Variants in MMP12 observed in about 807,000 individuals in gnomAD.
MMP12 encodes macrophage metalloelastase.
MMP12 carries 51 observed loss-of-function variants against 45.2 expected under a neutral mutation model. The observed-to-expected ratio is 1.13, with a 90% CI of 0.90 to 1.42. MMP12 has a LOEUF of 1.42. MMP12 is among the 40% of genes most tolerant of loss of function. MMP12 has a pLI of 0.00. For missense variants in MMP12, 530 were observed against 570.8 expected (o/e 0.93, Z 0.73); for synonymous variants, 210 against 193.3 (o/e 1.09, Z -0.72).
intron 9 of MMP12, 36 bp from the exon 10 acceptor site, chr11:102,863,236 TC>T: frequency 8.9e-7 from 1 of 1,121,326 alleles, no homozygotes; most frequent in Admixed American, 1.9e-5. Context: ...TTTAATTCCC[TC>T]CCTGTATTTC....
rs1316532482 is a variant in MMP12, at chr11:102,863,006, T to A, written c.*94A>T. On this transcript the variant is annotated 3_prime_UTR_variant, in exon 10 of 10. Coordinates refer to ENST00000571244, the MANE Select transcript of MMP12 (RefSeq NM_002426.6). ...ACAGATTTTATTTTTATGATACATA[T>A]CTCTAAGTAGTGGTACACTGAGGAC... is the stretch of plus-strand genomic sequence containing the variant. The A allele has an allele frequency of 3.0e-6, 2 of 676,742 alleles. No homozygotes were observed. The highest frequency in any genetic ancestry group is 3.7e-5 in the African/African-American group (2 of 54,100). 41.9% of individuals were successfully genotyped at this position (676,742 alleles called of 1,614,324 possible).
chr11:102,874,322 G>C (rs1414394763), intron 1 of MMP12, among the ~76,000 whole-genome samples: 2 of 152,110 alleles, frequency 1.3e-5, no homozygotes, highest in African/African-American at 2.4e-5. Flanking sequence ...TGAGGCGGGG[G>C]ATTGCTTGAG....
intron 4 of MMP12, among the ~76,000 whole-genome samples, chr11:102,869,709 G>A (rs1341478525): frequency 1.3e-5 from 2 of 151,044 alleles, no homozygotes; most frequent in African/African-American, 4.9e-5. Flanking sequence ...TCAGGAGTTC[G>A]AGAGCAGCCT....
chr11:102,864,141 C>T lies in MMP12; in HGVS notation c.1312+5G>A, dbSNP rs199754005. The T allele has an allele frequency of 5.3e-5, 84 of 1,577,336 alleles. No homozygotes were observed. The highest frequency in any genetic ancestry group is 6.9e-5 in the Non-Finnish European group (79 of 1,146,848). On this transcript the variant is annotated splice_donor_5th_base_variant and intron_variant, in intron 9 of 9. Transcript: ENST00000571244. ...AGTATCTTCATGGTTTCCTCATCTA[C>T]TTACTGTTTTTAGAGTAGAAGACTG...
Position 102,871,785 on chromosome 11 carries a change from T to C in MMP12, c.499+19A>G, listed in dbSNP as rs28360367. 5.3e-3 allele frequency: 8,489 copies of C among 1,613,000 alleles called. 195 individuals carry two copies. In the East Asian group the frequency reaches 0.078, roughly 15 times the overall value. ...TATAGATCATGCCAAATGACAAAGATGAAATACAAGTTCCCTACCTCCACG... is the reference window on the plus strand; with the variant it reads ...TATAGATCATGCCAAATGACAAAGACGAAATACAAGTTCCCTACCTCCACG... On this transcript the variant is annotated intron_variant, in intron 3 of 9. Coordinates refer to ENST00000571244, the MANE Select transcript of MMP12 (RefSeq NM_002426.6).
intron 4 of MMP12, 95 bp from the exon 5 acceptor site, chr11:102,868,164 A>G (rs1565233573): frequency 3.6e-6 from 4 of 1,116,770 alleles, no homozygotes; most frequent in East Asian, 5.2e-5. Flanking sequence ...AGATTTGAGA[A>G]TCTTTTACTT....
chr11:102,872,793 C>G lies in MMP12; in HGVS notation c.350+72G>C, dbSNP rs1463352652. The stretch of plus-strand genomic sequence containing the variant: ...TATCTACTTCCAGATTTAGGGCTGT[C>G]TAACTGGTTCAGGTTAGAAGTCAGA... On this transcript the variant is annotated intron_variant, in intron 2 of 9. Coordinates refer to ENST00000571244, the MANE Select transcript of MMP12 (RefSeq NM_002426.6). The G allele has an allele frequency of 2.0e-6, 3 of 1,537,206 alleles. No individual in the cohort carries two copies. In the Admixed American group the frequency reaches 5.8e-5, roughly 30 times the overall value.
At chr11:102,871,066 A>G (rs1261789583) in intron 4 of MMP12, among the ~76,000 whole-genome samples, 2 of 152,108 alleles carry the variant, frequency 1.3e-5, no homozygotes, top group Non-Finnish European at 2.9e-5. Flanking sequence ...TCCTGTCCCT[A>G]TAAAAAATTA....
At chr11:102,863,886 C>A (rs1555008147) in intron 9 of MMP12, among the ~76,000 whole-genome samples, 2 of 152,160 alleles carry the variant, frequency 1.3e-5, no homozygotes, top group Non-Finnish European at 2.9e-5. Flanking sequence ...TCCAGAGACT[C>A]AGGTACATGA....
At chr11:102,872,838 A>C in intron 2 of MMP12, 27 bp downstream of exon 2, 6 of 1,609,738 alleles carry the variant, frequency 3.7e-6, no homozygotes, top group Non-Finnish European at 5.1e-6. Flanking sequence ...AAGTAGAAAA[A>C]TACAGGGCGA....
At chr11:102,866,177 T>C in intron 7 of MMP12, 138 bp downstream of exon 7, 1 of 988,612 alleles carries the variant, frequency 1.0e-6, no homozygotes, top group Non-Finnish European at 1.4e-6. Flanking sequence ...CTATTTTAGT[T>C]TACACTTCAG....
chr11:102,864,053 C>G, intron 9 of MMP12, 93 bp downstream of exon 9: 5 of 987,922 alleles, frequency 5.1e-6, no homozygotes, highest in Middle Eastern at 2.4e-4. Flanking sequence ...AAACCTGTCC[C>G]TTTCCAATTT....
In MMP12 at chr11:102,866,005, A is replaced by G. The variant is rs537255348; in HGVS notation, c.1046-70T>C. ...AGTAATAAGAAAATATTGATTTACT[A>G]TAAACAACATAATTCCTTTCCAACA... On this transcript the variant is annotated intron_variant, in intron 7 of 9. Coordinates refer to ENST00000571244, the MANE Select transcript of MMP12 (RefSeq NM_002426.6). The G allele has an allele frequency of 1.7e-4, 201 of 1,183,334 alleles. 1 individual carries two copies. In the African/African-American group the frequency reaches 2.2e-3, roughly 13 times the overall value. The allele number at this position is 1,183,334 out of a possible 1,614,324, so 73.3% of individuals were successfully genotyped here. A position where few individuals can be genotyped will look rare whatever the true frequency, so the allele number is the denominator to read the frequency against.
At chr11:102,870,788 C>T (rs1859478949) in intron 4 of MMP12, among the ~76,000 whole-genome samples, 1 of 152,220 alleles carries the variant, frequency 6.6e-6, no homozygotes, top group African/African-American at 2.4e-5. Context: ...AAGTACATGG[C>T]TGTATAATCT....
chr11:102,868,186 C>T (rs782576771), intron 4 of MMP12, 117 bp from the exon 5 acceptor site: 378 of 951,336 alleles, frequency 4.0e-4, no homozygotes, highest in Non-Finnish European at 5.3e-4. Flanking sequence ...TTTCTTTACC[C>T]TTTTGAGTTG....
In MMP12 at chr11:102,871,921, C is replaced by A. The variant is rs782140300; in HGVS notation, c.382G>T (p.Glu128Ter). ...TTCCGGATTGCGTAGTCAACATCCT[C>A]ACGGTTCATGTCAGGTGTGTAATTA... The part of the protein sequence containing the change: ...INNYTPDMNR[E>*]DVDYAIRKAF... Residue 128 changes from glutamate (E) to a stop codon, truncating the protein, a stop_gained, in exon 3 of 10, where the codon GAG becomes TAG. Coordinates refer to ENST00000571244, the MANE Select transcript of MMP12 (RefSeq NM_002426.6). LOFTEE classifies it high-confidence loss of function. 6.2e-7 allele frequency: 1 copy of A among 1,613,228 alleles called. No homozygotes were observed. The highest frequency in any genetic ancestry group is 1.1e-5 in the South Asian group (1 of 90,854).
At chr11:102,872,497 C>A (rs4323842) in intron 2 of MMP12, among the ~76,000 whole-genome samples, 1 of 152,068 alleles carries the variant, frequency 6.6e-6, no homozygotes, top group Non-Finnish European at 1.5e-5. Flanking sequence ...CGCGCCACCA[C>A]GCCCAGCTAA....
In MMP12 at chr11:102,865,556, T is replaced by TA. The variant is rs28381687; in HGVS notation, c.1205+219dup. On this transcript the variant is annotated intron_variant, in intron 8 of 9. Transcript: ENST00000571244. This position sits in a 1 kb window ranked among gnomAD's most constrained non-coding sequence, Gnocchi z 4.1. ...TGACATTTTATTTAGAGTGTTTTTT[T>TA]AAAAAAAAACACACATTATCTACTA... Among the ~76,000 whole-genome samples, 1,974 of 151,444 alleles carry TA rather than the reference T, an allele frequency of 0.013. 39 individuals are homozygous for TA. The highest frequency in any genetic ancestry group is 0.045 in the African/African-American group (1,853 of 41,276).
At position 102,868,207 on chromosome 11, in the gene MMP12, T is replaced by C. The variant is rs1187439408; in HGVS notation, c.626-138A>G. 8 of 729,880 alleles carry C rather than the reference T, an allele frequency of 1.1e-5. No homozygotes were observed. The African/African-American group carries it at 1.4e-4, about 13-fold the overall frequency. 45.2% of individuals were successfully genotyped at this position (729,880 alleles called of 1,614,324 possible). A position where few individuals can be genotyped will look rare whatever the true frequency, so the allele number is the denominator to read the frequency against. On this transcript the variant is annotated intron_variant, in intron 4 of 9. Coordinates refer to ENST00000571244, the MANE Select transcript of MMP12 (RefSeq NM_002426.6). The stretch of plus-strand genomic sequence containing the variant: ...TACCCTTTTGAGTTGGGTTTCTCAA[T>C]CTCAGCACTTCTGACATTACAGTTC...
Sources: gnomAD v4.1 joint callset for allele counts (sites outside exome capture counted in the v4.1 genomes callset) on GRCh38, gnomAD v4.1.1 for gene constraint, Gnocchi (gnomAD v3.1) non-coding constraint, MANE v1.5 for transcripts, NCBI Gene and HGNC (gene_info 2026-07-23, HGNC 2026-07-21) for gene names.